XKR4: variants seen among roughly 807,000 people sequenced by gnomAD.
XKR4 encodes the protein XK-related protein 4.
In XKR4, 12 loss-of-function variants were observed where a neutral mutation model predicts 53.9. The observed-to-expected ratio is 0.22, with a 90% CI of 0.14 to 0.36. XKR4 has a LOEUF of 0.36. XKR4 is among the 10% of genes least tolerant of loss of function. The pLI is 1.00. For missense variants in XKR4, 799 were observed against 859.5 expected, an observed-to-expected ratio of 0.93 and a Z score of 0.88; for synonymous variants, 354 against 362.4, an observed-to-expected ratio of 0.98 and a Z score of 0.26.
chr8:55,145,585 C>T lies in XKR4; in HGVS notation c.806+42291C>T, dbSNP rs16921250. Among the ~76,000 whole-genome samples the T allele has an allele frequency of 3.9e-3, 595 of 152,226 alleles. 11 individuals are homozygous for T. The East Asian group carries it at 0.05, about 13-fold the overall frequency. ...ACAAAATGTGAGATGGCATCTACAG[C>T]GCATCAAAATGATCCAAATATTTTT... On this transcript the variant is annotated intron_variant, in intron 1 of 2. Coordinates refer to ENST00000327381, the MANE Select transcript of XKR4 (RefSeq NM_052898.2).
At chr8:55,344,227 A>G (rs899476126) in intron 1 of XKR4, among the ~76,000 whole-genome samples, 6 of 152,208 alleles carry the variant, frequency 3.9e-5, no homozygotes, top group African/African-American at 1.4e-4. Flanking sequence ...TTTTAAAACT[A>G]TAAACATCCA....
chr8:55,167,101 G>T (rs1313281026), intron 1 of XKR4, among the ~76,000 whole-genome samples: 1 of 152,188 alleles, frequency 6.6e-6, no homozygotes, highest in Non-Finnish European at 1.5e-5. Flanking sequence ...ATTTCTTACT[G>T]GACTGGATGT....
chr8:55,384,665 G>A (rs1433791228), intron 2 of XKR4, among the ~76,000 whole-genome samples: 1 of 152,204 alleles, frequency 6.6e-6, no homozygotes, highest in Non-Finnish European at 1.5e-5. Context: ...ACACAGTGAG[G>A]TGGAGACATT....
In XKR4 at chr8:55,357,847, G is replaced by C; in HGVS notation, c.976G>C (p.Val326Leu). ...PQLVLQLCII[V>L]QTHSLQALQG... ...GCTGGTCCTGCAGCTCTGCATTATC[G>C]TACAGACTCATAGCTTACAGGCCCT... The change falls in exon 2 of 3, where the codon GTA becomes CTA. Residue 326 changes from valine to leucine, a missense_variant. Physicochemically the swap from Val to Leu is conservative, Grantham distance 32. Transcript: ENST00000327381. 6.2e-7 allele frequency: 1 copy of C among 1,614,062 alleles called. No individual in the cohort carries two copies. Among genetic ancestry groups the C allele is most frequent in the Non-Finnish European group, 8.5e-7 (1 of 1,179,982 alleles).
At chr8:55,365,749 G>T (rs1012666321) in intron 2 of XKR4, among the ~76,000 whole-genome samples, 1 of 151,920 alleles carries the variant, frequency 6.6e-6, no homozygotes, top group African/African-American at 2.4e-5. Flanking sequence ...CGAGGAATGG[G>T]CGGCACAGGT....
chr8:55,131,960 T>C (rs150946468), intron 1 of XKR4, among the ~76,000 whole-genome samples: 1 of 152,266 alleles, frequency 6.6e-6, no homozygotes, highest in Non-Finnish European at 1.5e-5. Flanking sequence ...GATAAAATGA[T>C]CAGATGTCTG....
intron 2 of XKR4, among the ~76,000 whole-genome samples, chr8:55,504,202 GTTTT>G (rs1806490341): frequency 6.6e-6 from 1 of 150,730 alleles, no homozygotes. Context: ...GTTTTGTTTT[GTTTT>G]GTTTTGTTTT....
intron 2 of XKR4, among the ~76,000 whole-genome samples, chr8:55,489,446 A>C (rs560956339): frequency 2.0e-5 from 3 of 152,154 alleles, no homozygotes; most frequent in Admixed American, 2.0e-4. Flanking sequence ...TACAACAAAA[A>C]CATGGAGATA....
At chr8:55,264,466 C>T (rs1217539859) in intron 1 of XKR4, among the ~76,000 whole-genome samples, 2 of 152,170 alleles carry the variant, frequency 1.3e-5, no homozygotes, top group African/African-American at 2.4e-5. Context: ...GATGAACAAG[C>T]TGTCCCTGGC....
rs748261375 is a variant in XKR4, at chr8:55,102,876, G to C, written c.388G>C (p.Val130Leu). 5 of 1,612,172 alleles carry C rather than the reference G, an allele frequency of 3.1e-6. No individual in the cohort carries two copies. In the Admixed American group the frequency reaches 8.3e-5, roughly 27 times the overall value. ...AVYFADVGTD[V>L]WLAVDYYLRG... ...GTACTTCGCGGACGTGGGCACAGACGTCTGGCTCGCCGTGGACTACTACCT... is the reference window on the plus strand; with the variant it reads ...GTACTTCGCGGACGTGGGCACAGACCTCTGGCTCGCCGTGGACTACTACCT... The change falls in exon 1 of 3, where the codon GTC (valine) becomes CTC (leucine). Residue 130 changes from valine (V) to leucine (L), a missense_variant. Coordinates refer to ENST00000327381, the MANE Select transcript of XKR4 (RefSeq NM_052898.2). The surrounding 1 kb of genome is among the most constrained non-coding windows in gnomAD (Gnocchi z 5.1).
At chr8:55,477,086 G>C (rs1344859248) in intron 2 of XKR4, among the ~76,000 whole-genome samples, 1 of 135,332 alleles carries the variant, frequency 7.4e-6, no homozygotes, top group Non-Finnish European at 1.6e-5. Flanking sequence ...AGAATGGGCA[G>C]ACTTCCTCCT....
intron 1 of XKR4, among the ~76,000 whole-genome samples, chr8:55,251,473 T>G (rs1278332471): frequency 6.6e-6 from 1 of 152,228 alleles, no homozygotes; most frequent in African/African-American, 2.4e-5. Flanking sequence ...CCTATTAACT[T>G]TTTTTAAACA....
chr8:55,479,714 G>T (rs1806067552), intron 2 of XKR4, among the ~76,000 whole-genome samples: 1 of 151,916 alleles, frequency 6.6e-6, no homozygotes, highest in African/African-American at 2.4e-5. Flanking sequence ...TGATAAAGGG[G>T]ATATCACCAC....
In XKR4 at chr8:55,529,158, G is replaced by A. The variant is rs752900599; in HGVS notation, c.*4931G>A. On this transcript the variant is annotated 3_prime_UTR_variant, in exon 3 of 3. Transcript: ENST00000327381. The stretch of plus-strand genomic sequence containing the variant: ...AATGAGCCATTTAATTTTGCTAATT[G>A]AAGCAATTAGTCTAACATGCAAGCA... 1 of 151,706 alleles carries A rather than the reference G, an allele frequency of 6.6e-6. No homozygotes were observed. The highest frequency in any genetic ancestry group is 2.4e-5 in the African/African-American group (1 of 41,258). The allele number at this position is 151,706 out of a possible 1,614,324, so 9.4% of individuals were successfully genotyped here. A position where few individuals can be genotyped will look rare whatever the true frequency, so the allele number is the denominator to read the frequency against.
chr8:55,420,114 T>TA (rs398007889), intron 2 of XKR4, among the ~76,000 whole-genome samples: 46 of 152,246 alleles, frequency 3.0e-4, no homozygotes, highest in Non-Finnish European at 8.8e-5. Flanking sequence ...GCTTTTTTTT[T>TA]ATTTGGATTT....
intron 1 of XKR4, among the ~76,000 whole-genome samples, chr8:55,203,682 G>T (rs1817606028): frequency 6.6e-6 from 1 of 152,162 alleles, no homozygotes; most frequent in Admixed American, 6.5e-5. Context: ...ACTCAGACAA[G>T]TTAACTCACA....
chr8:55,175,721 C>G (rs536493928), intron 1 of XKR4, among the ~76,000 whole-genome samples: 1 of 152,222 alleles, frequency 6.6e-6, no homozygotes, highest in South Asian at 2.1e-4. Context: ...TGATTATGCT[C>G]TATTTTAGGT....
intron 2 of XKR4, among the ~76,000 whole-genome samples, chr8:55,415,940 A>G (rs1322168464): frequency 6.6e-6 from 1 of 152,194 alleles, no homozygotes; most frequent in Non-Finnish European, 1.5e-5. Context: ...CATCATGCTA[A>G]TCAAAACAAT....
At chr8:55,193,552 C>G (rs1817469969) in intron 1 of XKR4, among the ~76,000 whole-genome samples, 1 of 152,200 alleles carries the variant, frequency 6.6e-6, no homozygotes, top group South Asian at 2.1e-4. Flanking sequence ...CAGCTGCTCT[C>G]TGGGGTCCAT....
Sources: allele counts gnomAD v4.1 joint callset (sites outside exome capture counted in the v4.1 genomes callset), GRCh38; gene constraint gnomAD v4.1.1; non-coding constraint Gnocchi (gnomAD v3.1); transcripts MANE v1.5; gene names NCBI Gene and HGNC (gene_info 2026-07-23, HGNC 2026-07-21).